Variants in SCAPER observed in about 807,000 individuals in gnomAD.
The protein encoded by SCAPER is S-phase cyclin A associated protein in the ER, also known as S phase cyclin A-associated protein in the endoplasmic reticulum.
SCAPER carries 98 observed loss-of-function variants against 182.2 expected under a neutral mutation model. The ratio of observed to expected loss-of-function variants is 0.54; its 90% CI spans 0.46 to 0.64. The LOEUF (loss-of-function observed/expected upper bound fraction) is 0.64. SCAPER is among the 30% of genes least tolerant of loss of function. The pLI is 0.00. For missense variants in SCAPER, 1,432 were observed against 1,690.0 expected (o/e 0.85, Z 2.68); for synonymous variants, 605 against 564.6 (o/e 1.07, Z -1.01).
chr15:76,507,906 T>C (rs1219247927), intron 23 of SCAPER, among the ~76,000 whole-genome samples: 2 of 152,202 alleles, frequency 1.3e-5, no homozygotes, highest in African/African-American at 2.4e-5. Flanking sequence ...GATGTCAACA[T>C]ATTTAGAATA....
At position 76,598,564 on chromosome 15, in the gene SCAPER, A is replaced by G. The variant is rs1357869955; in HGVS notation, c.2711+23200T>C. Among the ~76,000 whole-genome samples the G allele has an allele frequency of 1.6e-5, 2 of 121,936 alleles. 1 individual carries two copies. Among genetic ancestry groups the G allele is most frequent in the African/African-American group, 5.0e-5 (2 of 39,834 alleles). The allele number at this position is 121,936 out of a possible 152,430, so 80.0% of individuals were successfully genotyped here. On this transcript the variant is annotated intron_variant, in intron 22 of 31. Transcript: ENST00000563290. The stretch of plus-strand genomic sequence containing the variant: ...TTGGAACCAACCCAAATGCCCATCA[A>G]TGATAGACTGGATAAAGAAAATGTG...
At chr15:76,752,354 G>C (rs1174540689) in intron 15 of SCAPER, among the ~76,000 whole-genome samples, 1 of 151,712 alleles carries the variant, frequency 6.6e-6, no homozygotes, top group African/African-American at 2.4e-5. Flanking sequence ...TAGAATTACT[G>C]TATGATCCAG....
intron 23 of SCAPER, among the ~76,000 whole-genome samples, chr15:76,556,589 T>C (rs2046216094): frequency 6.6e-6 from 1 of 152,142 alleles, no homozygotes; most frequent in Non-Finnish European, 1.5e-5. Flanking sequence ...CAGAAATTAT[T>C]ATGAACACCT....
intron 3 of SCAPER, among the ~76,000 whole-genome samples, chr15:76,858,133 T>C (rs547092934): frequency 6.6e-6 from 1 of 152,278 alleles, no homozygotes; most frequent in South Asian, 2.1e-4. Context: ...TTTCTCTGAA[T>C]AGGAATAAAT....
chr15:76,427,518 A>C (rs1375726473), intron 26 of SCAPER, among the ~76,000 whole-genome samples: 1 of 152,202 alleles, frequency 6.6e-6, no homozygotes. Context: ...ATGAGATACC[A>C]GCCCACTCCA....
chr15:76,746,146 T>A (rs1464730189), intron 15 of SCAPER, among the ~76,000 whole-genome samples: 1 of 152,146 alleles, frequency 6.6e-6, no homozygotes, highest in Non-Finnish European at 1.5e-5. Context: ...AAATCCAATA[T>A]CCCTTCATAA....
intron 17 of SCAPER, among the ~76,000 whole-genome samples, chr15:76,712,496 G>A (rs1329115489): frequency 6.6e-6 from 1 of 152,194 alleles, no homozygotes; most frequent in Non-Finnish European, 1.5e-5. Flanking sequence ...TAGCTTGATG[G>A]GGATGGCACT....
At chr15:76,852,067 C>T (rs2070814911) in intron 4 of SCAPER, among the ~76,000 whole-genome samples, 2 of 151,684 alleles carry the variant, frequency 1.3e-5, no homozygotes, top group African/African-American at 2.4e-5. Flanking sequence ...AGACTTTGGG[C>T]CAACAAAGAT....
chr15:76,682,362 G>A (rs981663712), intron 20 of SCAPER, among the ~76,000 whole-genome samples: 4 of 150,972 alleles, frequency 2.6e-5, no homozygotes, highest in African/African-American at 9.7e-5. Flanking sequence ...CTGAAAGGGA[G>A]GTACCCAGCT....
At chr15:76,702,037 TG>T (rs1326536230) in intron 19 of SCAPER, among the ~76,000 whole-genome samples, 172 bp from the exon 20 acceptor site, 5 of 151,528 alleles carry the variant, frequency 3.3e-5, no homozygotes, top group Admixed American at 6.6e-5. Flanking sequence ...AGAAGGCAAA[TG>T]GTTAAAAAAA....
intron 14 of SCAPER, among the ~76,000 whole-genome samples, chr15:76,760,036 C>A (rs1456141533): frequency 6.6e-6 from 1 of 152,164 alleles, no homozygotes; most frequent in African/African-American, 2.4e-5. Flanking sequence ...CTCTCACATA[C>A]AACACAATAA....
intron 1 of SCAPER, among the ~76,000 whole-genome samples, chr15:76,897,632 G>A (rs1568430392): frequency 2.6e-5 from 4 of 151,964 alleles, no homozygotes; most frequent in African/African-American, 4.8e-5. Context: ...GCTTGAACCC[G>A]GGAGGCAGAG....
chr15:76,553,059 C>T (rs542352553), intron 23 of SCAPER, among the ~76,000 whole-genome samples: 33 of 152,312 alleles, frequency 2.2e-4, no homozygotes, highest in African/African-American at 7.9e-4. Flanking sequence ...TTTCCCTCTG[C>T]CGCTTTGCTG....
chr15:76,452,975 T>C (rs1027010346), intron 25 of SCAPER, among the ~76,000 whole-genome samples: 5 of 152,162 alleles, frequency 3.3e-5, no homozygotes, highest in African/African-American at 1.2e-4. Context: ...GGATTACGGG[T>C]GTGTGCCACC....
intron 7 of SCAPER, among the ~76,000 whole-genome samples, chr15:76,799,043 T>C (rs1307225633): frequency 6.6e-6 from 1 of 152,184 alleles, no homozygotes; most frequent in East Asian, 1.9e-4. Flanking sequence ...TTCTCCTGAT[T>C]AAAGAGACAA....
intron 20 of SCAPER, among the ~76,000 whole-genome samples, chr15:76,681,010 A>G (rs892545311): frequency 6.6e-6 from 1 of 152,228 alleles, no homozygotes; most frequent in African/African-American, 2.4e-5. Flanking sequence ...TGGTGAGACA[A>G]GAGAAAAATC....
At chr15:76,697,831 G>T in intron 20 of SCAPER, among the ~76,000 whole-genome samples, 1 of 151,900 alleles carries the variant, frequency 6.6e-6, no homozygotes, top group Admixed American at 6.6e-5. Context: ...GTAGAGACAG[G>T]GTTTCACCAT....
intron 17 of SCAPER, among the ~76,000 whole-genome samples, chr15:76,717,846 T>C (rs992808123): frequency 6.6e-6 from 1 of 152,064 alleles, no homozygotes; most frequent in African/African-American, 2.4e-5. Context: ...TATAATAATA[T>C]AAGGGACTTC....
At chr15:76,730,907 T>C (rs1175056239) in intron 16 of SCAPER, among the ~76,000 whole-genome samples, 1 of 152,144 alleles carries the variant, frequency 6.6e-6, no homozygotes, top group East Asian at 1.9e-4. Context: ...ACTCCAACAT[T>C]GTATGAAAAG....
Sources: gnomAD v4.1 joint callset for allele counts (sites outside exome capture counted in the v4.1 genomes callset) on GRCh38, gnomAD v4.1.1 for gene constraint, MANE v1.5 for transcripts, NCBI Gene and HGNC (gene_info 2026-07-23, HGNC 2026-07-21) for gene names.